SPG7: variants seen among roughly 807,000 people sequenced by gnomAD.
SPG7 encodes the protein mitochondrial inner membrane m-AAA protease component paraplegin.
In SPG7, 103 loss-of-function variants were observed where a neutral mutation model predicts 81.9. The observed-to-expected ratio is 1.26, with a 90% confidence interval of 1.07 to 1.48. The LOEUF (loss-of-function observed/expected upper bound fraction) is 1.48, where lower values mean the gene tolerates loss of function less well. SPG7 is among the 40% of genes most tolerant of loss of function. The pLI is 0.00. For synonymous variants in SPG7, 534 were observed against 444.2 expected, an observed-to-expected ratio of 1.20 and a Z score of -2.54; for missense variants, 1,241 against 1,087.3, an observed-to-expected ratio of 1.14 and a Z score of -1.99.
In SPG7 at chr16:89,556,985, G is replaced by A. The variant is rs11559075; in HGVS notation, c.2280G>A (p.Pro760=). 20,954 of 1,613,870 alleles carry A rather than the reference G, an allele frequency of 0.013. 158 individuals are homozygous for A. The highest frequency in any genetic ancestry group is 0.021 in the East Asian group (922 of 44,876). Residue 760 remains proline, a synonymous_variant, in exon 17 of 17, where the codon CCG becomes CCA. Coordinates refer to ENST00000645818, the MANE Select transcript of SPG7 (RefSeq NM_003119.4). ...PPHGPKKMIA[P]QRWIDAQREK... is the part of the protein sequence containing the mutation. ...ATGGGCCGAAGAAAATGATCGCACC[G>A]CAGAGGTGGATCGACGCCCAGAGGG...
intron 2 of SPG7, among the ~76,000 whole-genome samples, chr16:89,511,914 T>C (rs2058028485): frequency 6.6e-6 from 1 of 151,076 alleles, no homozygotes; most frequent in Non-Finnish European, 1.5e-5. Context: ...TTGTTGTTGT[T>C]TATTATTATT....
chr16:89,549,175 A>G (rs2058604025), intron 12 of SPG7: 1 of 456,634 alleles, frequency 2.2e-6, no homozygotes, highest in Non-Finnish European at 4.4e-6. Flanking sequence ...AAAGCTTTTG[A>G]TAATAGTAGC....
chr16:89,527,474 G>A (rs2058280101), intron 5 of SPG7: 1 of 152,186 alleles, frequency 6.6e-6, no homozygotes, highest in Non-Finnish European at 1.5e-5. Flanking sequence ...TCAAAAGTAA[G>A]CGATCACTTT....
chr16:89,524,267 G>C lies in SPG7; in HGVS notation c.618+20G>C. On this transcript the variant is annotated intron_variant, in intron 4 of 16. Coordinates refer to ENST00000645818, the MANE Select transcript of SPG7 (RefSeq NM_003119.4). ...CGGCCTGTGAGTGAGGGTGCGGGAGGCCTGTGAGTGAGGGTGTGGGCACAG... is the reference window on the plus strand; with the variant it reads ...CGGCCTGTGAGTGAGGGTGCGGGAGCCCTGTGAGTGAGGGTGTGGGCACAG... The C allele has an allele frequency of 6.3e-7, 1 of 1,599,510 alleles. No individual in the cohort carries two copies. Among genetic ancestry groups the C allele is most frequent in the Non-Finnish European group, 8.5e-7 (1 of 1,172,744 alleles).
At chr16:89,548,968 C>T (rs187130992) in intron 12 of SPG7, 27 of 454,900 alleles carry the variant, frequency 5.9e-5, no homozygotes, top group African/African-American at 1.2e-4. Flanking sequence ...AGCACGAACA[C>T]GCCTCTTGCA....
chr16:89,539,598 G>T (rs892023518), intron 9 of SPG7: 6 of 152,042 alleles, frequency 3.9e-5, no homozygotes, highest in African/African-American at 1.2e-4. Flanking sequence ...ACAGAGTCTT[G>T]CTCTGTCACC....
rs771504543 is a variant in SPG7, at chr16:89,553,727, C to T, written c.1937-67C>T. 10 of 1,529,796 alleles carry T rather than the reference C, an allele frequency of 6.5e-6. No homozygotes were observed. The South Asian group carries it at 9.0e-5, about 14-fold the overall frequency. 94.8% of individuals were successfully genotyped at this position (1,529,796 alleles called of 1,614,324 possible). The stretch of plus-strand genomic sequence containing the variant: ...CTGCCTCAGTGCTCTGACCGGGACA[C>T]CTGGGGCCCAGCACTGCTCTGCGCC... On this transcript the variant is annotated intron_variant, in intron 14 of 16. Transcript: ENST00000645818.
chr16:89,553,561 A>G, intron 14 of SPG7: 4 of 571,652 alleles, frequency 7.0e-6, no homozygotes, highest in Non-Finnish European at 1.3e-5. Context: ...GAGCTCCAGT[A>G]TGCCCCCGGG....
At chr16:89,544,958 C>G (rs2058545128) in intron 10 of SPG7, 186 bp downstream of exon 10, 2 of 693,884 alleles carry the variant, frequency 2.9e-6, no homozygotes, top group Admixed American at 2.1e-5. Context: ...ACCGGCTGCA[C>G]TCACTGCTGT....
chr16:89,508,684 C>T (rs923168465), intron 1 of SPG7, 84 bp downstream of exon 1: 1 of 1,327,246 alleles, frequency 7.5e-7, no homozygotes, highest in East Asian at 2.6e-5. Context: ...TCGGAGGCCG[C>T]CTGGCCCCTG....
At chr16:89,536,893 G>C (rs911596533) in intron 9 of SPG7, 4 of 1,614,146 alleles carry the variant, frequency 2.5e-6, no homozygotes, top group Middle Eastern at 3.3e-4. Context: ...GCTCTGCTGG[G>C]GTTGCCTTTT....
chr16:89,548,709 C>A (rs1051428693), intron 12 of SPG7: 1 of 350,362 alleles, frequency 2.9e-6, no homozygotes, highest in Non-Finnish European at 5.7e-6. Flanking sequence ...GGGTCTGCGA[C>A]GTCTGTGAGG....
chr16:89,545,871 G>A, intron 10 of SPG7: 1 of 423,984 alleles, frequency 2.4e-6, no homozygotes, highest in Non-Finnish European at 4.6e-6. Context: ...TCAATTTTTA[G>A]AGAAAGGGTG....
intron 7 of SPG7, 103 bp from the exon 8 acceptor site, chr16:89,531,801 C>T (rs1350691908): frequency 1.7e-6 from 2 of 1,151,896 alleles, no homozygotes; most frequent in East Asian, 4.8e-5. Flanking sequence ...TATCATGGCA[C>T]CCACTGCACT....
chr16:89,545,454 C>G (rs1463640670), intron 10 of SPG7: 1 of 187,294 alleles, frequency 5.3e-6, no homozygotes, highest in Non-Finnish European at 1.1e-5. Flanking sequence ...TCAGCCGGTG[C>G]TCAGTCTCTG....
At chr16:89,523,517 C>T in intron 3 of SPG7, 1 of 351,708 alleles carries the variant, frequency 2.8e-6, no homozygotes, top group South Asian at 2.1e-5. Flanking sequence ...GGATTCATGG[C>T]CATTGTGAGC....
At chr16:89,526,855 A>G (rs2058269421) in intron 5 of SPG7, 1 of 315,732 alleles carries the variant, frequency 3.2e-6, no homozygotes, top group African/African-American at 2.2e-5. Flanking sequence ...CCGAAGTCTC[A>G]GCCCCCGACG....
At chr16:89,538,333 T>G (rs2058453498) in intron 9 of SPG7, 1 of 151,892 alleles carries the variant, frequency 6.6e-6, no homozygotes. Flanking sequence ...GTTGGTAAAA[T>G]CTTGACAAGA....
intron 9 of SPG7, chr16:89,543,347 C>CTTTCTTTTTT (rs2058522871): frequency 9.2e-6 from 1 of 108,964 alleles, no homozygotes; most frequent in Non-Finnish European, 1.9e-5. Context: ...GGACCTTTTC[C>CTTTCTTTTTT]TTTTTTTTTT....
Sources: gnomAD v4.1 joint callset for allele counts (sites outside exome capture counted in the v4.1 genomes callset) on GRCh38, gnomAD v4.1.1 for gene constraint, MANE v1.5 for transcripts, NCBI Gene and HGNC (gene_info 2026-07-23, HGNC 2026-07-21) for gene names.